GIPC1: variants seen among roughly 807,000 people sequenced by gnomAD.
GIPC1 encodes GIPC PDZ domain containing family member 1.
A neutral mutation model predicts 28.5 loss-of-function variants in GIPC1; 15 were observed. The observed-to-expected ratio is 0.53, with a 90% CI of 0.35 to 0.81. GIPC1 has a LOEUF of 0.81. GIPC1 is among the 30% of genes least tolerant of loss of function. The pLI, the probability that GIPC1 is intolerant of heterozygous loss-of-function variation, is 0.01. For missense variants in GIPC1, 439 were observed against 481.9 expected, an observed-to-expected ratio of 0.91 and a Z score of 0.83; for synonymous variants, 224 against 206.1, an observed-to-expected ratio of 1.09 and a Z score of -0.74.
At chr19:14,491,305 C>T (rs1050940940) in intron 3 of GIPC1, among the ~76,000 whole-genome samples, 3 of 151,908 alleles carry the variant, frequency 2.0e-5, no homozygotes, top group Admixed American at 2.0e-4. Context: ...GTCACCCAGG[C>T]TGGAGTGCAA....
chr19:14,478,140 A>G lies in GIPC1; in HGVS notation c.*276T>C, dbSNP rs1410180152. On this transcript the variant is annotated 3_prime_UTR_variant, in exon 9 of 9. Coordinates refer to ENST00000393033, the MANE Select transcript of GIPC1 (RefSeq NM_005716.4). This position sits in a 1 kb window ranked among gnomAD's most constrained non-coding sequence, Gnocchi z 5.2. The stretch of plus-strand genomic sequence containing the variant: ...GTGGTGGAGGCGGGGGTGGCCGCCC[A>G]ATTTGGCTGATCCCTCCCCTCCCTG... 2.4e-6 allele frequency: 1 copy of G among 412,498 alleles called. No homozygotes were observed. Among genetic ancestry groups the G allele is most frequent in the Non-Finnish European group, 4.4e-6 (1 of 228,252 alleles). 25.6% of individuals were successfully genotyped at this position (412,498 alleles called of 1,614,324 possible). A position where few individuals can be genotyped will look rare whatever the true frequency, so the allele number is the denominator to read the frequency against.
At chr19:14,480,981 CTCTTTT>C (rs2071716898) in intron 4 of GIPC1, 3 of 558,854 alleles carry the variant, frequency 5.4e-6, no homozygotes, top group East Asian at 3.0e-5. Flanking sequence ...GTTTTCCTTT[CTCTTTT>C]TGAGACAGGG....
At position 14,478,051 on chromosome 19, in the gene GIPC1, C is replaced by T. The variant is rs919595392; in HGVS notation, c.*365G>A. The T allele has an allele frequency of 1.7e-5, 4 of 236,300 alleles. No individual in the cohort carries two copies. Among genetic ancestry groups the T allele is most frequent in the Non-Finnish European group, 2.5e-5 (3 of 119,416 alleles). 14.6% of individuals were successfully genotyped at this position (236,300 alleles called of 1,614,324 possible). ...CGTCAGGAAACTAGGAAGGTCATGA[C>T]CCCCAAACAGAACCCAAGGCCCCAG... On this transcript the variant is annotated 3_prime_UTR_variant, in exon 9 of 9. Transcript: ENST00000393033. This position sits in a 1 kb window ranked among gnomAD's most constrained non-coding sequence, Gnocchi z 5.2.
At chr19:14,488,775 CAA>C (rs931925798) in intron 3 of GIPC1, among the ~76,000 whole-genome samples, 8 of 82,342 alleles carry the variant, frequency 9.7e-5, no homozygotes, top group Non-Finnish European at 5.2e-5. Flanking sequence ...TCGGTCTAAA[CAA>C]AAAAAAAAAA....
Position 14,477,969 on chromosome 19 carries a change from T to G in GIPC1, c.*447A>C, listed in dbSNP as rs1599342971. Reference sequence around the variant, plus strand: ...GGGAGGGGGCTCCTCTCAGGAGGGGTGAGGGCATTATTGCATTTGCTGGGG... The same window carrying G: ...GGGAGGGGGCTCCTCTCAGGAGGGGGGAGGGCATTATTGCATTTGCTGGGG... On this transcript the variant is annotated 3_prime_UTR_variant, in exon 9 of 9. Coordinates refer to ENST00000393033, the MANE Select transcript of GIPC1 (RefSeq NM_005716.4). The G allele has an allele frequency of 6.3e-6, 1 of 159,184 alleles. No individual in the cohort carries two copies. Among genetic ancestry groups the G allele is most frequent in the East Asian group, 1.8e-4 (1 of 5,572 alleles). The allele number at this position is 159,184 out of a possible 1,614,324, so 9.9% of individuals were successfully genotyped here.
intron 1 of GIPC1, among the ~76,000 whole-genome samples, chr19:14,493,290 C>T (rs978135602): frequency 6.6e-5 from 10 of 152,218 alleles, no homozygotes; most frequent in South Asian, 2.1e-4. Flanking sequence ...GGCATCACTG[C>T]CCTGCCTGAA....
intron 3 of GIPC1, among the ~76,000 whole-genome samples, chr19:14,489,968 T>A (rs1227413120): frequency 6.6e-6 from 1 of 151,430 alleles, no homozygotes; most frequent in Non-Finnish European, 1.5e-5. Flanking sequence ...TGGGGCCTAG[T>A]GGGAGGTGTC....
rs527975782 is a variant in GIPC1, at chr19:14,480,632, G to A, written c.435C>T (p.Leu145=). Residue 145 remains leucine (L), a synonymous_variant, in exon 5 of 9, where the codon CTC becomes CTT. Transcript: ENST00000393033. ...EVFKSEDALG[L]TITDNGAGYA... ...AGCCAGCCCCGTTGTCCGTGATGGT[G>A]AGCCCGAGTGCATCCTCCGACTTGA... is the stretch of plus-strand genomic sequence containing the variant. The A allele has an allele frequency of 3.7e-6, 6 of 1,614,208 alleles. No individual in the cohort carries two copies. Among genetic ancestry groups the A allele is most frequent in the South Asian group, 3.3e-5 (3 of 91,092 alleles).
chr19:14,478,329 G>A lies in GIPC1; in HGVS notation c.*87C>T. Reference sequence around the variant, plus strand: ...TGGGCTGCTGAGCTAGGCTCAGGCTGGAGGCTCGGGTCCTGACGTCAGTGT... The same window carrying A: ...TGGGCTGCTGAGCTAGGCTCAGGCTAGAGGCTCGGGTCCTGACGTCAGTGT... On this transcript the variant is annotated 3_prime_UTR_variant, in exon 9 of 9. Transcript: ENST00000393033. The surrounding 1 kb of genome is among the most constrained non-coding windows in gnomAD (Gnocchi z 5.2). 7.4e-7 allele frequency: 1 copy of A among 1,360,232 alleles called. No individual in the cohort carries two copies. The highest frequency in any genetic ancestry group is 2.2e-5 in the Admixed American group (1 of 44,930). The allele number at this position is 1,360,232 out of a possible 1,614,324, so 84.3% of individuals were successfully genotyped here. A position where few individuals can be genotyped will look rare whatever the true frequency, so the allele number is the denominator to read the frequency against.
chr19:14,490,673 G>T (rs1226859983), intron 3 of GIPC1, among the ~76,000 whole-genome samples: 2 of 146,450 alleles, frequency 1.4e-5, no homozygotes, highest in East Asian at 4.1e-4. Context: ...GCGAAATTCT[G>T]TCTCAAAAAG....
chr19:14,478,244 G>C lies in GIPC1; in HGVS notation c.*172C>G, dbSNP rs968332245. The C allele has an allele frequency of 6.8e-5, 44 of 649,884 alleles. No homozygotes were observed. Among genetic ancestry groups the C allele is most frequent in the Non-Finnish European group, 1.1e-4 (41 of 388,756 alleles). 40.3% of individuals were successfully genotyped at this position (649,884 alleles called of 1,614,324 possible). On this transcript the variant is annotated 3_prime_UTR_variant, in exon 9 of 9. Transcript: ENST00000393033. This position sits in a 1 kb window ranked among gnomAD's most constrained non-coding sequence, Gnocchi z 5.2. Reference sequence around the variant, plus strand: ...CCGGCCAGACTGGGAACCAGGGAGGGGATGGTACCGATTGGAGCGGGGCAG... The same window carrying C: ...CCGGCCAGACTGGGAACCAGGGAGGCGATGGTACCGATTGGAGCGGGGCAG...
intron 1 of GIPC1, among the ~76,000 whole-genome samples, chr19:14,493,485 T>A (rs978716627): frequency 2.0e-5 from 3 of 150,570 alleles, no homozygotes; most frequent in African/African-American, 7.3e-5. Context: ...CGAGATGGAG[T>A]CTTGCTCTGT....
intron 1 of GIPC1, among the ~76,000 whole-genome samples, chr19:14,494,695 T>C (rs918292395): frequency 5.3e-5 from 8 of 152,212 alleles, no homozygotes; most frequent in Non-Finnish European, 7.4e-5. Context: ...CTCGTTCTGA[T>C]TGCTCTCTGT....
intron 3 of GIPC1, among the ~76,000 whole-genome samples, chr19:14,486,287 C>G (rs2071842015): frequency 6.6e-6 from 1 of 152,232 alleles, no homozygotes; most frequent in South Asian, 2.1e-4. Context: ...GACTACGCTT[C>G]TATTTTCCTC....
At chr19:14,479,867 G>A (rs1204333565) in intron 6 of GIPC1, 2 of 374,864 alleles carry the variant, frequency 5.3e-6, no homozygotes, top group Non-Finnish European at 9.7e-6. Flanking sequence ...TGGCCAAGGG[G>A]GTATGGCTGC....
At chr19:14,490,974 C>CAAAAAAA (rs111731833) in intron 3 of GIPC1, among the ~76,000 whole-genome samples, 1 of 113,048 alleles carries the variant, frequency 8.8e-6, no homozygotes, top group Non-Finnish European at 1.7e-5. Context: ...GACTCCATCT[C>CAAAAAAA]AAAAAAAAAA....
Position 14,480,047 on chromosome 19 carries a change from G to T in GIPC1, c.655+258C>A. 3 of 585,648 alleles carry T rather than the reference G, an allele frequency of 5.1e-6. No homozygotes were observed. In the South Asian group the frequency reaches 6.0e-5, roughly 12 times the overall value. 36.3% of individuals were successfully genotyped at this position (585,648 alleles called of 1,614,324 possible). On this transcript the variant is annotated intron_variant, in intron 6 of 8. Transcript: ENST00000393033. ...TGGGGATAGGGGGCTGGCCAGGGCT[G>T]AGGGCGCTTGGCTGGGCTAATGGCC...
In GIPC1 at chr19:14,480,983, CT is replaced by C. The variant is rs1568361677; in HGVS notation, c.289-206del. Reference sequence around the variant, plus strand: ...GGACTAGGATTTAGTTTTCCTTTCTCTTTTTGAGACAGGGTCTTGCTCTGTC... The same window carrying C: ...GGACTAGGATTTAGTTTTCCTTTCTCTTTTGAGACAGGGTCTTGCTCTGTC... On this transcript the variant is annotated intron_variant, in intron 4 of 8. Transcript: ENST00000393033. 1.1e-5 allele frequency: 6 copies of C among 557,192 alleles called. No homozygotes were observed. In the South Asian group the frequency reaches 1.4e-4, roughly 13 times the overall value. The allele number at this position is 557,192 out of a possible 1,614,324, so 34.5% of individuals were successfully genotyped here. A position where few individuals can be genotyped will look rare whatever the true frequency, so the allele number is the denominator to read the frequency against.
At chr19:14,480,894 TCATCA>T in intron 4 of GIPC1, 116 bp from the exon 5 acceptor site, 1 of 742,082 alleles carries the variant, frequency 1.3e-6, no homozygotes, top group Non-Finnish European at 2.3e-6. Flanking sequence ...TCCCAGTAAC[TCATCA>T]CCCACTGAGC....
Sources: allele counts gnomAD v4.1 joint callset (sites outside exome capture counted in the v4.1 genomes callset), GRCh38; gene constraint gnomAD v4.1.1; non-coding constraint Gnocchi (gnomAD v3.1); transcripts MANE v1.5; gene names NCBI Gene and HGNC (gene_info 2026-07-23, HGNC 2026-07-21).